CROCC: variants seen among roughly 807,000 people sequenced by gnomAD.
CROCC encodes the protein rootletin.
A neutral mutation model predicts 245.2 loss-of-function variants in CROCC; 180 were observed. The observed-to-expected ratio is 0.73, with a 90% CI of 0.65 to 0.83. The LOEUF is 0.83. Ranked by LOEUF, CROCC falls within the 40% of genes least tolerant of loss-of-function variation. CROCC has a pLI of 0.00. For missense variants in CROCC, 2,688 were observed against 2,779.4 expected (o/e 0.97, Z 0.74); for synonymous variants, 1,205 against 1,241.6 (o/e 0.97, Z 0.62).
At chr1:16,939,167 G>T in intron 12 of CROCC, 25 bp downstream of exon 12, 1 of 1,428,168 alleles carries the variant, frequency 7.0e-7, no homozygotes, top group Non-Finnish European at 9.1e-7. Flanking sequence ...GAGCGTTCTG[G>T]GCGCAGCCAG....
At chr1:16,919,964 T>G (rs2075368684), upstream of CROCC, among the ~76,000 whole-genome samples, 2 of 152,398 alleles carry the variant, frequency 1.3e-5, no homozygotes, top group South Asian at 4.1e-4. Flanking sequence ...CAATCTCGGC[T>G]CACTGCAACC....
upstream of CROCC, among the ~76,000 whole-genome samples, chr1:16,920,670 C>T (rs1336105821): frequency 4.6e-5 from 7 of 152,230 alleles, no homozygotes; most frequent in Non-Finnish European, 7.3e-5. Context: ...AGCCTCCTTG[C>T]CCCAGGGAAA....
chr1:16,935,043 G>A (rs191476270), intron 8 of CROCC, among the ~76,000 whole-genome samples: 115 of 152,260 alleles, frequency 7.6e-4, no homozygotes, highest in African/African-American at 2.7e-3. Flanking sequence ...GGGATTACAG[G>A]CATGAGCCAC....
Position 16,955,307 on chromosome 1 carries a change from C to A in CROCC, c.3466-5C>A. ...CTGCCCTGGGGACACCTGCTGTGCT[C>A]ACAGGCAGAAGAGCTTCGGACCCAG... On this transcript the variant is annotated splice_region_variant and splice_polypyrimidine_tract_variant and intron_variant, in intron 23 of 36. Transcript: ENST00000375541. The A allele has an allele frequency of 6.2e-7, 1 of 1,606,786 alleles. No individual in the cohort carries two copies. Among genetic ancestry groups the A allele is most frequent in the Non-Finnish European group, 8.5e-7 (1 of 1,179,508 alleles).
intron 1 of CROCC, 47 bp downstream of exon 1, chr1:16,922,125 G>A (rs1456988759): frequency 6.8e-7 from 1 of 1,472,190 alleles, no homozygotes; most frequent in African/African-American, 1.4e-5. Flanking sequence ...GGGGCAGCGT[G>A]GACTTAACAG....
At chr1:16,929,073 C>T (rs1156750550) in intron 3 of CROCC, among the ~76,000 whole-genome samples, 2 of 152,248 alleles carry the variant, frequency 1.3e-5, no homozygotes, top group African/African-American at 4.8e-5. Context: ...GTGATCTACC[C>T]GCCTTGACCT....
chr1:16,947,499 A>AATAATAATAATAATG (rs1444933787), intron 17 of CROCC, among the ~76,000 whole-genome samples: 5 of 150,746 alleles, frequency 3.3e-5, no homozygotes, highest in African/African-American at 9.7e-5. Flanking sequence ...TAATAATAAT[A>AATAATAATAATAATG]ATGATACAGA....
Position 16,930,227 on chromosome 1 carries a change from A to AG in CROCC, c.621+24dup. 1.3e-6 allele frequency: 2 copies of AG among 1,587,012 alleles called. No individual in the cohort carries two copies. The highest frequency in any genetic ancestry group is 1.7e-6 in the Non-Finnish European group (2 of 1,167,508). ...CTGAGGGTGGGTGCCAGTGTGGGGC[A>AG]GGGGCAGGCCCTGCCCTCCACCTGC... On this transcript the variant is annotated intron_variant, in intron 5 of 36. Coordinates refer to ENST00000375541, the MANE Select transcript of CROCC (RefSeq NM_014675.5).
upstream of CROCC, chr1:16,921,865 T>C (rs1472180962): frequency 6.8e-6 from 5 of 738,006 alleles, no homozygotes; most frequent in Non-Finnish European, 1.2e-5. Flanking sequence ...CACATCCTGC[T>C]CCTCCCACCG....
chr1:16,936,603 C>T (rs1329516411), intron 8 of CROCC, 34 bp from the exon 9 acceptor site: 2 of 1,531,384 alleles, frequency 1.3e-6, no homozygotes, highest in South Asian at 1.3e-5. Context: ...GGGAGCAAGC[C>T]CCATCCATCC....
intron 14 of CROCC, among the ~76,000 whole-genome samples, chr1:16,944,511 A>T (rs1293295718): frequency 6.6e-6 from 1 of 152,304 alleles, no homozygotes; most frequent in Non-Finnish European, 1.5e-5. Context: ...CTTGGATGAT[A>T]ATAACAAGAA....
At chr1:16,921,884 AC>A, upstream of CROCC, 2 of 907,436 alleles carry the variant, frequency 2.2e-6, no homozygotes, top group Non-Finnish European at 3.4e-6. Context: ...CGCGGTGGTC[AC>A]ATGGGGGCGC....
intron 8 of CROCC, among the ~76,000 whole-genome samples, chr1:16,936,049 TA>T (rs2075780996): frequency 6.6e-6 from 1 of 152,198 alleles, no homozygotes; most frequent in African/African-American, 2.4e-5. Flanking sequence ...CCTCCTTGTG[TA>T]TTATGTATCC....
rs764193309 is a variant in CROCC, at chr1:16,939,025, G to A, written c.1491G>A (p.Arg497=). The A allele has an allele frequency of 6.3e-7, 1 of 1,598,572 alleles. No individual in the cohort carries two copies. The highest frequency in any genetic ancestry group is 8.5e-7 in the Non-Finnish European group (1 of 1,175,176). Residue 497 remains arginine, a synonymous_variant, in exon 12 of 37, where the codon CGG becomes CGA. Coordinates refer to ENST00000375541, the MANE Select transcript of CROCC (RefSeq NM_014675.5). ...GCCAGCGGACCCCGTCCCCACCGCG[G>A]CGCTCCTCGCCCGGCCGAGGCCGTT... The part of the protein sequence containing the change: ...LSGQRTPSPP[R]RSSPGRGRSP...
At position 16,966,410 on chromosome 1, in the gene CROCC, C is replaced by A; in HGVS notation, c.4699C>A (p.Arg1567=). 6.5e-7 allele frequency: 1 copy of A among 1,527,712 alleles called. No individual in the cohort carries two copies. 94.6% of individuals were successfully genotyped at this position (1,527,712 alleles called of 1,614,324 possible). A position where few individuals can be genotyped will look rare whatever the true frequency, so the allele number is the denominator to read the frequency against. The part of the protein sequence containing the change: ...QKAVAESEEA[R]RSVDGRLSGV... ...GACGGGGTGGGTGGTGGCTACAGCCCGGCGCAGTGTGGATGGGCGGCTGAG... is the reference window on the plus strand; with the variant it reads ...GACGGGGTGGGTGGTGGCTACAGCCAGGCGCAGTGTGGATGGGCGGCTGAG... The change falls in exon 30 of 37, where the codon CGG becomes AGG. Residue 1567 remains arginine, a splice_region_variant and synonymous_variant. Coordinates refer to ENST00000375541, the MANE Select transcript of CROCC (RefSeq NM_014675.5). This position sits in a 1 kb window ranked among gnomAD's most constrained non-coding sequence, Gnocchi z 4.8.
chr1:16,957,998 CT>C (rs66678901), intron 25 of CROCC, among the ~76,000 whole-genome samples: 71,393 of 148,616 alleles, frequency 0.48, 17,651 homozygotes, highest in South Asian at 0.59. Flanking sequence ...GGCAGTACCC[CT>C]CCCTGCTCCT....
chr1:16,941,342 T>C (rs1254053438), intron 13 of CROCC: 1 of 152,436 alleles, frequency 6.6e-6, no homozygotes, highest in African/African-American at 2.4e-5. Flanking sequence ...GGAGAATCAC[T>C]TGAACCCCGG....
In CROCC at chr1:16,922,662, G is replaced by C; in HGVS notation, c.61-1G>C. 1.9e-6 allele frequency: 3 copies of C among 1,602,422 alleles called. No homozygotes were observed. Among genetic ancestry groups the C allele is most frequent in the Non-Finnish European group, 1.7e-6 (2 of 1,174,562 alleles). ...TGAAGACCCTCTCGCTTTTCCCACA[G>C]ACACTGGAGAGCAGCGTCCTGTGCC... On this transcript the variant is annotated splice_acceptor_variant, in intron 1 of 36. Transcript: ENST00000375541. LOFTEE classifies it high-confidence loss of function.
chr1:16,917,195 G>C (rs1258590392), upstream of CROCC, among the ~76,000 whole-genome samples: 2 of 152,302 alleles, frequency 1.3e-5, no homozygotes, highest in African/African-American at 4.8e-5. Flanking sequence ...TGAGCTCTTT[G>C]TGGCTGGGTG....
Sources: allele counts gnomAD v4.1 joint callset (sites outside exome capture counted in the v4.1 genomes callset), GRCh38; gene constraint gnomAD v4.1.1; non-coding constraint Gnocchi (gnomAD v3.1); transcripts MANE v1.5; gene names NCBI Gene and HGNC (gene_info 2026-07-23, HGNC 2026-07-21).